The following TMEM41B variants were observed in gnomAD, a reference collection of about 807,000 sequenced individuals.
The protein encoded by TMEM41B is transmembrane protein 41B, also known as protein stasimon.
Under a neutral mutation model 31.9 loss-of-function variants are expected in TMEM41B, and 18 were observed. That is an observed-to-expected ratio of 0.56 (90% CI 0.39 to 0.84). The LOEUF (loss-of-function observed/expected upper bound fraction) is 0.84, where lower values mean the gene tolerates loss of function less well. Ranked by LOEUF, TMEM41B falls within the 40% of genes least tolerant of loss-of-function variation. The pLI is 0.00. For missense variants in TMEM41B, 322 were observed against 348.0 expected, an observed-to-expected ratio of 0.93 and a Z score of 0.59; for synonymous variants, 144 against 124.3, an observed-to-expected ratio of 1.16 and a Z score of -1.05.
At chr11:9,301,040 C>T (rs1047724600) in intron 1 of TMEM41B, among the ~76,000 whole-genome samples, 1 of 152,054 alleles carries the variant, frequency 6.6e-6, no homozygotes, top group Non-Finnish European at 1.5e-5. Context: ...GTGGGTGACT[C>T]AATTTTTATT....
intron 3 of TMEM41B, among the ~76,000 whole-genome samples, chr11:9,288,742 C>G (rs373839296): frequency 5.3e-5 from 8 of 152,028 alleles, no homozygotes; most frequent in South Asian, 4.2e-4. Context: ...GACAAAAAAC[C>G]GTATGTTCTA....
At chr11:9,309,210 C>T (rs1455831988) in intron 1 of TMEM41B, among the ~76,000 whole-genome samples, 3 of 151,574 alleles carry the variant, frequency 2.0e-5, no homozygotes, top group East Asian at 1.9e-4. Flanking sequence ...CGCACCATTG[C>T]ACTCCAGCCT....
intron 6 of TMEM41B, 116 bp downstream of exon 6, chr11:9,286,339 G>T: frequency 9.1e-7 from 1 of 1,096,048 alleles, no homozygotes; most frequent in Non-Finnish European, 1.3e-6. Flanking sequence ...TTGTGCCCAA[G>T]AATTCTAGAT....
At chr11:9,299,900 A>C (rs1384709173) in intron 1 of TMEM41B, among the ~76,000 whole-genome samples, 199 bp from the exon 2 acceptor site, 1 of 152,142 alleles carries the variant, frequency 6.6e-6, no homozygotes, top group Non-Finnish European at 1.5e-5. Context: ...CAGGTAGATC[A>C]CTTGAGGTTG....
chr11:9,287,832 G>A (rs369429801), intron 4 of TMEM41B, 26 bp from the exon 5 acceptor site: 39 of 1,542,692 alleles, frequency 2.5e-5, no homozygotes, highest in East Asian at 2.0e-4. Flanking sequence ...AGCCATAAGC[G>A]TTTTGTATTT....
At position 9,288,480 on chromosome 11, in the gene TMEM41B, G is replaced by A. The variant is rs1479102208; in HGVS notation, c.424C>T (p.Leu142Phe). 1.9e-6 allele frequency: 3 copies of A among 1,595,932 alleles called. No homozygotes were observed. Among genetic ancestry groups the A allele is most frequent in the Non-Finnish European group, 2.6e-6 (3 of 1,174,248 alleles). Residue 142 changes from leucine to phenylalanine, a missense_variant, in exon 4 of 7, where the codon CTT becomes TTT. Coordinates refer to ENST00000528080, the MANE Select transcript of TMEM41B (RefSeq NM_015012.4). The part of the protein sequence containing the change: ...SIFLSILSGF[L>F]YPFPLALFLV... ...AATAAGGCTAGTGGAAAGGGATAAA[G>A]AAACCCTGAGAGTATACTGAGAAAT...
intron 3 of TMEM41B, among the ~76,000 whole-genome samples, chr11:9,289,619 A>G (rs563574655): frequency 2.8e-4 from 43 of 152,274 alleles, no homozygotes; most frequent in African/African-American, 9.9e-4. Flanking sequence ...TATCCTATCC[A>G]GCTACCGCTC....
At chr11:9,285,329 C>G (rs562099755) in intron 6 of TMEM41B, among the ~76,000 whole-genome samples, 2 of 152,120 alleles carry the variant, frequency 1.3e-5, no homozygotes. Flanking sequence ...GTGATCCACC[C>G]GCCTTGGCCT....
At chr11:9,300,168 G>A (rs1853213044) in intron 1 of TMEM41B, among the ~76,000 whole-genome samples, 1 of 152,110 alleles carries the variant, frequency 6.6e-6, no homozygotes, top group Non-Finnish European at 1.5e-5. Context: ...TACAGTACTT[G>A]AAGTTTAATA....
chr11:9,303,827 T>C (rs10743103), intron 1 of TMEM41B, among the ~76,000 whole-genome samples: 144,314 of 151,824 alleles, frequency 0.95, 69,011 homozygotes, highest in East Asian at 1. Flanking sequence ...GCCACGAGGA[T>C]CAACTAATTT....
intron 3 of TMEM41B, among the ~76,000 whole-genome samples, chr11:9,292,117 G>C (rs1445838987): frequency 6.6e-6 from 1 of 152,154 alleles, no homozygotes; most frequent in Non-Finnish European, 1.5e-5. Context: ...TCCACACAAA[G>C]TATTTGCTCA....
chr11:9,300,572 T>A (rs1853226005), intron 1 of TMEM41B, among the ~76,000 whole-genome samples: 1 of 152,082 alleles, frequency 6.6e-6, no homozygotes. Flanking sequence ...AATCTCAGTA[T>A]TAGCTTAAAA....
chr11:9,293,269 ATTT>A (rs1163389520), intron 3 of TMEM41B, among the ~76,000 whole-genome samples: 1 of 152,054 alleles, frequency 6.6e-6, no homozygotes, highest in Non-Finnish European at 1.5e-5. Flanking sequence ...CATCCAGCTA[ATTT>A]TTGTATTTCT....
intron 3 of TMEM41B, 155 bp from the exon 4 acceptor site, chr11:9,288,690 A>T (rs547759924): frequency 5.6e-6 from 3 of 539,412 alleles, no homozygotes; most frequent in Admixed American, 7.4e-5. Flanking sequence ...ACTAAACAGT[A>T]TCATAAATAC....
intron 2 of TMEM41B, among the ~76,000 whole-genome samples, chr11:9,295,802 G>A (rs1235127202): frequency 6.6e-6 from 1 of 151,804 alleles, no homozygotes; most frequent in African/African-American, 2.4e-5. Flanking sequence ...CCAAAGTGCT[G>A]GGATTACAGG....
chr11:9,307,445 AATCTT>A (rs1217942032), intron 1 of TMEM41B, among the ~76,000 whole-genome samples: 1 of 137,944 alleles, frequency 7.2e-6, no homozygotes, highest in Non-Finnish European at 1.6e-5. Context: ...CATAAAATAA[AATCTT>A]TTTTTTTTTT....
At chr11:9,290,102 C>T (rs897445095) in intron 3 of TMEM41B, among the ~76,000 whole-genome samples, 1 of 151,948 alleles carries the variant, frequency 6.6e-6, no homozygotes, top group African/African-American at 2.4e-5. Context: ...CTATATGGAC[C>T]GGGTGGGGTG....
At position 9,281,710 on chromosome 11, in the gene TMEM41B, G is replaced by C. The variant is rs1852722419; in HGVS notation, c.*1714C>G. The C allele has an allele frequency of 2.6e-5, 4 of 152,154 alleles. No homozygotes were observed. In the South Asian group the frequency reaches 8.3e-4, roughly 31 times the overall value. 9.4% of individuals were successfully genotyped at this position (152,154 alleles called of 1,614,324 possible). Reference sequence around the variant, plus strand: ...TTTCCAGAACTATTTAAATACAGTAGTTGCCATGTGATCAGTTAATTTTAC... The same window carrying C: ...TTTCCAGAACTATTTAAATACAGTACTTGCCATGTGATCAGTTAATTTTAC... On this transcript the variant is annotated 3_prime_UTR_variant, in exon 7 of 7. Transcript: ENST00000528080.
At chr11:9,285,180 G>C (rs1852809965) in intron 6 of TMEM41B, among the ~76,000 whole-genome samples, 2 of 151,122 alleles carry the variant, frequency 1.3e-5, no homozygotes, top group African/African-American at 4.9e-5. Flanking sequence ...TGCCTCCTGG[G>C]TTCAAGTGAT....
Sources: gnomAD v4.1 joint callset for allele counts (sites outside exome capture counted in the v4.1 genomes callset) on GRCh38, gnomAD v4.1.1 for gene constraint, MANE v1.5 for transcripts, NCBI Gene and HGNC (gene_info 2026-07-23, HGNC 2026-07-21) for gene names.